OXR1: variants seen among roughly 807,000 people sequenced by gnomAD.
OXR1 encodes the protein oxidation resistance 1, also known as oxidation resistance protein 1.
Under a neutral mutation model 104.6 loss-of-function variants are expected in OXR1, and 41 were observed. That is an observed-to-expected ratio of 0.39 (90% CI 0.31 to 0.51). The LOEUF (loss-of-function observed/expected upper bound fraction) is 0.51, where lower values mean the gene tolerates loss of function less well. OXR1 is among the 20% of genes least tolerant of loss of function. OXR1 has a pLI of 0.77. For missense variants in OXR1, 955 were observed against 1,031.9 expected (o/e 0.93, Z 1.02); for synonymous variants, 348 against 348.4 (o/e 1.00, Z 0.01).
In OXR1 at chr8:106,365,817, A is replaced by G. The variant is rs536550283; in HGVS notation, c.23+6181A>G. Reference sequence around the variant, plus strand: ...TTATTTCTCTTTGAATAGTCAAATAATTAGTAAAACACTATATTTTAATTT... The same window carrying G: ...TTATTTCTCTTTGAATAGTCAAATAGTTAGTAAAACACTATATTTTAATTT... On this transcript the variant is annotated intron_variant, in intron 2 of 16. Coordinates refer to ENST00000517566, the MANE Select transcript of OXR1 (RefSeq NM_001198533.2). 1.8e-4 allele frequency among the ~76,000 whole-genome samples: 27 copies of G among 152,308 alleles called. 1 individual carries two copies. The South Asian group carries it at 5.6e-3, about 32-fold the overall frequency.
intron 1 of OXR1, among the ~76,000 whole-genome samples, chr8:106,316,961 C>T (rs535989083): frequency 6.6e-6 from 1 of 152,174 alleles, no homozygotes; most frequent in African/African-American, 2.4e-5. Context: ...ACCCTCGCCT[C>T]CCGGGTTCAA....
chr8:106,576,286 T>C (rs1817825545), intron 3 of OXR1, among the ~76,000 whole-genome samples: 1 of 151,698 alleles, frequency 6.6e-6, no homozygotes, highest in Non-Finnish European at 1.5e-5. Context: ...TAAGATTATT[T>C]TCTGTATCTC....
At chr8:106,334,446 C>T (rs1814867600) in intron 1 of OXR1, among the ~76,000 whole-genome samples, 1 of 152,108 alleles carries the variant, frequency 6.6e-6, no homozygotes, top group African/African-American at 2.4e-5. Flanking sequence ...TGCTTACTTC[C>T]TCTGACTAGA....
intron 2 of OXR1, among the ~76,000 whole-genome samples, chr8:106,517,091 C>T (rs1563575255): frequency 6.6e-6 from 1 of 152,058 alleles, no homozygotes; most frequent in African/African-American, 2.4e-5. Context: ...ATCCAAAAAT[C>T]GTAGATGGTT....
intron 3 of OXR1, among the ~76,000 whole-genome samples, chr8:106,565,730 A>G (rs1268144678): frequency 4.6e-5 from 7 of 152,188 alleles, no homozygotes; most frequent in Non-Finnish European, 1.5e-5. Context: ...TTAAAACTAT[A>G]CTACAAGGTT....
chr8:106,280,331 G>A (rs943809847), intron 1 of OXR1, among the ~76,000 whole-genome samples: 2 of 152,318 alleles, frequency 1.3e-5, no homozygotes, highest in East Asian at 3.9e-4. Flanking sequence ...TTCTCTCACA[G>A]TTCTAGAGGC....
At chr8:106,502,805 C>G (rs1811898108) in intron 2 of OXR1, among the ~76,000 whole-genome samples, 1 of 151,950 alleles carries the variant, frequency 6.6e-6, no homozygotes, top group East Asian at 1.9e-4. Flanking sequence ...TTTTCTAATC[C>G]CAGGCTCACT....
At chr8:106,723,287 C>T (rs1587243516) in intron 11 of OXR1, among the ~76,000 whole-genome samples, 3 of 151,884 alleles carry the variant, frequency 2.0e-5, no homozygotes, top group Admixed American at 1.3e-4. Context: ...GTCAGGAGAT[C>T]GAGACCATCC....
intron 1 of OXR1, among the ~76,000 whole-genome samples, chr8:106,335,959 G>C (rs942017477): frequency 6.6e-6 from 1 of 152,222 alleles, no homozygotes; most frequent in African/African-American, 2.4e-5. Context: ...AGCCAGGTGT[G>C]GTGGTGGTTG....
intron 1 of OXR1, among the ~76,000 whole-genome samples, chr8:106,312,030 T>A (rs1813725283): frequency 6.6e-6 from 1 of 152,054 alleles, no homozygotes; most frequent in African/African-American, 2.4e-5. Flanking sequence ...GACCTTTTTT[T>A]CACTTGTGTG....
At chr8:106,708,155 G>T (rs765889983) in intron 9 of OXR1, among the ~76,000 whole-genome samples, 25 of 152,010 alleles carry the variant, frequency 1.6e-4, no homozygotes, top group Non-Finnish European at 1.6e-4. Context: ...ACTTTGGGAG[G>T]CTGAGGCAGG....
At chr8:106,670,027 C>G (rs1181207219) in intron 3 of OXR1, among the ~76,000 whole-genome samples, 1 of 152,098 alleles carries the variant, frequency 6.6e-6, no homozygotes, top group Non-Finnish European at 1.5e-5. Flanking sequence ...AGGGAGAACT[C>G]CAATTTGATT....
intron 3 of OXR1, among the ~76,000 whole-genome samples, chr8:106,533,794 A>G (rs1310388346): frequency 6.6e-6 from 1 of 150,746 alleles, no homozygotes; most frequent in Non-Finnish European, 1.5e-5. Flanking sequence ...GGCTCACCAC[A>G]AACCTCTGCC....
At chr8:106,584,325 C>T (rs145676638) in intron 3 of OXR1, among the ~76,000 whole-genome samples, 11 of 149,030 alleles carry the variant, frequency 7.4e-5, no homozygotes, top group East Asian at 6.0e-4. Context: ...GAGGGGTGTT[C>T]GGGGGAGGGG....
intron 1 of OXR1, among the ~76,000 whole-genome samples, chr8:106,310,800 G>A (rs573883296): frequency 1.4e-4 from 22 of 152,182 alleles, no homozygotes; most frequent in South Asian, 1.0e-3. Context: ...TTTGTTGTTG[G>A]TCTGCTTTTT....
chr8:106,368,528 T>C lies in OXR1; in HGVS notation c.23+8892T>C, dbSNP rs774571003. On this transcript the variant is annotated intron_variant, in intron 2 of 16. Coordinates refer to ENST00000517566, the MANE Select transcript of OXR1 (RefSeq NM_001198533.2). ...TGGTGGTTTGCTGCACCTATTGACT[T>C]GTCCTCTAAGACCCCTCCCCTCAAC... Among the ~76,000 whole-genome samples, 70 of 151,988 alleles carry C rather than the reference T, an allele frequency of 4.6e-4. 1 individual carries two copies. Among genetic ancestry groups the C allele is most frequent in the Non-Finnish European group, 9.9e-4 (67 of 67,948 alleles).
chr8:106,470,484 G>T (rs764836364), intron 2 of OXR1, among the ~76,000 whole-genome samples: 11 of 150,208 alleles, frequency 7.3e-5, no homozygotes, highest in East Asian at 1.9e-4. Context: ...GGGAAAGACT[G>T]GGGGGTAGAA....
chr8:106,336,826 A>G (rs16874414), intron 1 of OXR1, among the ~76,000 whole-genome samples: 3,681 of 152,308 alleles, frequency 0.024, 54 homozygotes, highest in South Asian at 0.096. Context: ...TAAACACTGG[A>G]TCATAATGGC....
At chr8:106,582,714 CTT>C (rs1187175160) in intron 3 of OXR1, among the ~76,000 whole-genome samples, 2 of 152,096 alleles carry the variant, frequency 1.3e-5, no homozygotes, top group Non-Finnish European at 1.5e-5. Context: ...TGTTTTTCCT[CTT>C]TTTAGAAAAT....
Sources: gnomAD v4.1 joint callset for allele counts (sites outside exome capture counted in the v4.1 genomes callset) on GRCh38, gnomAD v4.1.1 for gene constraint, MANE v1.5 for transcripts, NCBI Gene and HGNC (gene_info 2026-07-23, HGNC 2026-07-21) for gene names.